TOP6BL: variants seen among roughly 807,000 people sequenced by gnomAD.
The protein encoded by TOP6BL is TOP6B like initiator of meiotic double strand breaks.
chr11:66,838,450 G>A, the TOP6BL span: 1 of 1,613,306 alleles, frequency 6.2e-7, no homozygotes, highest in Admixed American at 1.7e-5. Context: ...TAGCAGGTAA[G>A]GTTTTAGCTT....
chr11:66,772,555 A>T, the TOP6BL span, among the ~76,000 whole-genome samples: 1 of 152,164 alleles, frequency 6.6e-6, no homozygotes, highest in Non-Finnish European at 1.5e-5. Context: ...GATCATCTGA[A>T]GTCAGGAATT....
chr11:66,811,356 TA>T, the TOP6BL span, among the ~76,000 whole-genome samples: 1 of 152,086 alleles, frequency 6.6e-6, no homozygotes, highest in Non-Finnish European at 1.5e-5. Context: ...CATGGCCAGC[TA>T]ATTTTCGTAT....
At chr11:66,771,833 A>G in the TOP6BL span, among the ~76,000 whole-genome samples, 1 of 152,210 alleles carries the variant, frequency 6.6e-6, no homozygotes, top group South Asian at 2.1e-4. Flanking sequence ...CCATCCAAAT[A>G]CTATTGAAGC....
chr11:66,829,723 A>G, the TOP6BL span, among the ~76,000 whole-genome samples: 1 of 151,552 alleles, frequency 6.6e-6, no homozygotes, highest in African/African-American at 2.4e-5. Context: ...CCCCATCTCT[A>G]CAAAAAAATA....
chr11:66,813,807 C>T, the TOP6BL span: 1 of 1,490,344 alleles, frequency 6.7e-7, no homozygotes, highest in Non-Finnish European at 9.3e-7. Context: ...GTTTGTTATA[C>T]AAGTGAATAC....
At chr11:66,769,815 A>G in the TOP6BL span, among the ~76,000 whole-genome samples, 1 of 151,702 alleles carries the variant, frequency 6.6e-6, no homozygotes, top group Non-Finnish European at 1.5e-5. Flanking sequence ...ATCTTGGCTC[A>G]CTGCAAGCTC....
At chr11:66,808,074 T>C in the TOP6BL span, among the ~76,000 whole-genome samples, 1 of 152,230 alleles carries the variant, frequency 6.6e-6, no homozygotes, top group African/African-American at 2.4e-5. Flanking sequence ...TATTTAACAC[T>C]TTTTCAAATA....
the TOP6BL span, among the ~76,000 whole-genome samples, chr11:66,784,654 G>A: frequency 6.6e-6 from 1 of 152,228 alleles, no homozygotes; most frequent in Admixed American, 6.5e-5. Context: ...AGCATTTAGT[G>A]TGTGGGTTCT....
chr11:66,764,216 G>GA, the TOP6BL span, among the ~76,000 whole-genome samples: 1 of 152,088 alleles, frequency 6.6e-6, no homozygotes, highest in Non-Finnish European at 1.5e-5. Context: ...CAAGAATCAT[G>GA]GGCTGACTGC....
chr11:66,807,338 A>G, the TOP6BL span, among the ~76,000 whole-genome samples: 1 of 152,104 alleles, frequency 6.6e-6, no homozygotes, highest in African/African-American at 2.4e-5. Flanking sequence ...TTGGGAGGCC[A>G]AGGTGGATGG....
the TOP6BL span, among the ~76,000 whole-genome samples, chr11:66,813,601 C>G: frequency 1.3e-5 from 2 of 152,100 alleles, no homozygotes; most frequent in African/African-American, 4.8e-5. Context: ...GGCATAGTGG[C>G]ATGCACCTGT....
At chr11:66,760,229 T>TG in the TOP6BL span, among the ~76,000 whole-genome samples, 1 of 150,424 alleles carries the variant, frequency 6.6e-6, no homozygotes. Flanking sequence ...GCAGGCAGAT[T>TG]ACCTAGGTCA....
chr11:66,839,784 T>TTCCCA, the TOP6BL span, among the ~76,000 whole-genome samples: 2 of 152,210 alleles, frequency 1.3e-5, no homozygotes, highest in African/African-American at 2.4e-5. Context: ...AATAAGTATC[T>TTCCCA]TCCCATACAA....
At chr11:66,831,016 G>A in the TOP6BL span, among the ~76,000 whole-genome samples, 12 of 152,016 alleles carry the variant, frequency 7.9e-5, no homozygotes, top group Admixed American at 7.9e-4. Context: ...AAAGACATAA[G>A]ATGCCCAACA....
At chr11:66,786,893 G>A in the TOP6BL span, among the ~76,000 whole-genome samples, 1 of 151,570 alleles carries the variant, frequency 6.6e-6, no homozygotes, top group South Asian at 2.1e-4. Flanking sequence ...CTAATGGCAA[G>A]AACAATATTA....
At chr11:66,823,294 CAAAAAAA>C in the TOP6BL span, among the ~76,000 whole-genome samples, 29 of 41,286 alleles carry the variant, frequency 7.0e-4, no homozygotes, top group African/African-American at 2.3e-3. Context: ...GACTCCACCT[CAAAAAAA>C]AAAAAAAAAA....
At chr11:66,748,749 G>T in the TOP6BL span, among the ~76,000 whole-genome samples, 1 of 151,246 alleles carries the variant, frequency 6.6e-6, no homozygotes, top group Non-Finnish European at 1.5e-5. Flanking sequence ...ACTGGTTTAA[G>T]TTAAAATTGC....
chr11:66,843,490 T>C, the TOP6BL span: 2 of 1,479,168 alleles, frequency 1.4e-6, no homozygotes, highest in South Asian at 1.3e-5. Flanking sequence ...CTGCGACTGC[T>C]GTCGGTGTCG....
At chr11:66,744,816 A>AGGGGGCGGCGGC in the TOP6BL span, 35 of 946,478 alleles carry the variant, frequency 3.7e-5, no homozygotes, top group Middle Eastern at 8.2e-4. Context: ...CGGGCTGAGG[A>AGGGGGCGGCGGC]GGGGGCGGCG....
Sources: allele counts gnomAD v4.1 joint callset (sites outside exome capture counted in the v4.1 genomes callset), GRCh38; gene constraint gnomAD v4.1.1; transcripts MANE v1.5; gene names NCBI Gene and HGNC (gene_info 2026-07-23, HGNC 2026-07-21).